MICOS10: variants seen among roughly 807,000 people sequenced by gnomAD.
MICOS10 encodes the protein MICOS complex subunit MIC10.
Under a neutral mutation model 13.4 loss-of-function variants are expected in MICOS10, and 5 were observed. That is an observed-to-expected ratio of 0.37 (90% confidence interval 0.20 to 0.78). The LOEUF (loss-of-function observed/expected upper bound fraction) is 0.78. MICOS10 is among the 30% of genes least tolerant of loss of function. The pLI is 0.47. For missense variants in MICOS10, 101 were observed against 94.6 expected, an observed-to-expected ratio of 1.07 and a Z score of -0.28; for synonymous variants, 35 against 33.6, an observed-to-expected ratio of 1.04 and a Z score of -0.15.
chr1:19,616,971 T>C (rs562656703), intron 1 of MICOS10, among the ~76,000 whole-genome samples: 1 of 152,332 alleles, frequency 6.6e-6, no homozygotes, highest in Admixed American at 6.5e-5. Context: ...TAATAATTAA[T>C]CTTCAGAGCT....
At position 19,622,840 on chromosome 1, in the gene MICOS10, GAT is replaced by G. The variant is rs547831507; in HGVS notation, c.113-631_113-630del. Among the ~76,000 whole-genome samples the G allele has an allele frequency of 5.9e-5, 9 of 151,304 alleles. No homozygotes were observed. In the South Asian group the frequency reaches 1.0e-3, roughly 17 times the overall value. On this transcript the variant is annotated intron_variant, in intron 2 of 3. Transcript: ENST00000322753. ...AGAATTCATGCATCTTACTGGCTAA[GAT>G]ATTAGTTAAACTGAGCAGATGATTA...
At chr1:19,617,327 CACAG>C (rs58374984) in intron 1 of MICOS10, 62,345 of 983,482 alleles carry the variant, frequency 0.063, 2,130 homozygotes, top group Non-Finnish European at 0.068. Flanking sequence ...TCCAGATAGC[CACAG>C]GAAGGGTAAG....
chr1:19,601,980 TTTTTTCC>T (rs2094816935), intron 1 of MICOS10, among the ~76,000 whole-genome samples: 1 of 152,246 alleles, frequency 6.6e-6, no homozygotes, highest in East Asian at 1.9e-4. Flanking sequence ...TTGATAGGTC[TTTTTTCC>T]TTAGTAACCC....
rs2094892651 is a variant in MICOS10, at chr1:19,618,508, T to C, written c.65-3592T>C. Among the ~76,000 whole-genome samples the C allele has an allele frequency of 1.3e-5, 2 of 152,150 alleles. 1 individual carries two copies. Among genetic ancestry groups the C allele is most frequent in the African/African-American group, 4.8e-5 (2 of 41,404 alleles). On this transcript the variant is annotated intron_variant, in intron 1 of 3. Coordinates refer to ENST00000322753, the MANE Select transcript of MICOS10 (RefSeq NM_001032363.4). ...ACTTACTACCACTTAGTGTATTCCA[T>C]GTCAGACACTATTAGAGACTTTCCA...
At chr1:19,625,692 G>A (rs2094919567) in intron 3 of MICOS10, 2 of 1,233,988 alleles carry the variant, frequency 1.6e-6, no homozygotes, top group South Asian at 2.8e-5. Flanking sequence ...AATGGCTCAG[G>A]GGTGATTATA....
In MICOS10 at chr1:19,609,507, C is replaced by T. The variant is rs574683412; in HGVS notation, c.64+12398C>T. 8.5e-5 allele frequency among the ~76,000 whole-genome samples: 13 copies of T among 152,238 alleles called. No individual in the cohort carries two copies. The East Asian group carries it at 9.7e-4, about 11-fold the overall frequency. On this transcript the variant is annotated intron_variant, in intron 1 of 3. Coordinates refer to ENST00000322753, the MANE Select transcript of MICOS10 (RefSeq NM_001032363.4). The stretch of plus-strand genomic sequence containing the variant: ...GATATTTACCAAAGAGAAATGAAAA[C>T]GTGTCCACACAAAGACTTACACATG...
chr1:19,598,726 A>G (rs950557687), intron 1 of MICOS10, among the ~76,000 whole-genome samples: 7 of 152,138 alleles, frequency 4.6e-5, no homozygotes, highest in African/African-American at 1.2e-4. Context: ...AGCTTTGGGT[A>G]AAGTCTCTTT....
At chr1:19,612,829 CTGA>C (rs2094869031) in intron 1 of MICOS10, among the ~76,000 whole-genome samples, 1 of 152,200 alleles carries the variant, frequency 6.6e-6, no homozygotes, top group African/African-American at 2.4e-5. Context: ...TTTTCAGATG[CTGA>C]CTTCGGATAT....
chr1:19,622,402 C>T (rs2094906997), intron 2 of MICOS10, among the ~76,000 whole-genome samples: 1 of 152,180 alleles, frequency 6.6e-6, no homozygotes, highest in Non-Finnish European at 1.5e-5. Context: ...GATATCATTG[C>T]AAAAGCCTGT....
intron 1 of MICOS10, chr1:19,608,731 G>C: frequency 1.9e-6 from 1 of 530,814 alleles, no homozygotes; most frequent in Non-Finnish European, 3.3e-6. Flanking sequence ...TACTGGATTT[G>C]ATAAAAATTA....
intron 1 of MICOS10, chr1:19,608,050 A>G (rs890204777): frequency 3.9e-5 from 30 of 760,520 alleles, no homozygotes; most frequent in Non-Finnish European, 6.4e-5. Context: ...ACCTAAATAT[A>G]AAAGCTAAAA....
intron 1 of MICOS10, among the ~76,000 whole-genome samples, chr1:19,613,000 C>A (rs549908324): frequency 6.6e-6 from 1 of 152,334 alleles, no homozygotes; most frequent in South Asian, 2.1e-4. Context: ...TCACTTCCCC[C>A]TTCTCAGAAG....
At chr1:19,602,463 G>T (rs974666541) in intron 1 of MICOS10, among the ~76,000 whole-genome samples, 2 of 152,136 alleles carry the variant, frequency 1.3e-5, no homozygotes, top group Non-Finnish European at 2.9e-5. Context: ...AAATGTTTGG[G>T]AATAGTCAAC....
chr1:19,608,457 C>A (rs770982503), intron 1 of MICOS10: 3 of 1,272,534 alleles, frequency 2.4e-6, no homozygotes, highest in Non-Finnish European at 3.5e-6. Flanking sequence ...GCCCAGTCGG[C>A]CCTCAGAGCC....
chr1:19,621,509 T>C (rs551226044), intron 1 of MICOS10, among the ~76,000 whole-genome samples: 1 of 152,328 alleles, frequency 6.6e-6, no homozygotes, highest in Non-Finnish European at 1.5e-5. Context: ...CTGGCAGACT[T>C]GAGCCCAGAT....
At chr1:19,616,263 C>A (rs1273284438) in intron 1 of MICOS10, among the ~76,000 whole-genome samples, 1 of 152,136 alleles carries the variant, frequency 6.6e-6, no homozygotes, top group Non-Finnish European at 1.5e-5. Flanking sequence ...GGCAGCAACA[C>A]AATAGCTATA....
intron 3 of MICOS10, among the ~76,000 whole-genome samples, chr1:19,624,928 C>T (rs923354186): frequency 6.6e-6 from 1 of 152,222 alleles, no homozygotes; most frequent in Non-Finnish European, 1.5e-5. Context: ...TGAACAACTT[C>T]ACATTCCCTG....
intron 1 of MICOS10, among the ~76,000 whole-genome samples, chr1:19,617,951 C>A (rs2094890316): frequency 6.6e-6 from 1 of 151,652 alleles, no homozygotes; most frequent in Non-Finnish European, 1.5e-5. Flanking sequence ...ACAGCAAAGC[C>A]CGATGTGTCA....
intron 2 of MICOS10, among the ~76,000 whole-genome samples, 195 bp downstream of exon 2, chr1:19,622,342 C>T (rs1018640631): frequency 1.8e-4 from 28 of 152,190 alleles, no homozygotes; most frequent in Non-Finnish European, 3.4e-4. Flanking sequence ...GGTTGGGCAT[C>T]TCCAGCATTC....
Sources: gnomAD v4.1 joint callset for allele counts (sites outside exome capture counted in the v4.1 genomes callset) on GRCh38, gnomAD v4.1.1 for gene constraint, MANE v1.5 for transcripts, NCBI Gene and HGNC (gene_info 2026-07-23, HGNC 2026-07-21) for gene names.